ANXA2: variants seen among roughly 807,000 people sequenced by gnomAD.
The protein encoded by ANXA2 is annexin II.
Under a neutral mutation model 47.3 loss-of-function variants are expected in ANXA2, and 28 were observed. The ratio of observed to expected loss-of-function variants is 0.59; its 90% CI spans 0.44 to 0.81. The LOEUF (loss-of-function observed/expected upper bound fraction) is 0.81. ANXA2 is among the 40% of genes least tolerant of loss of function. ANXA2 has a pLI of 0.00. For synonymous variants in ANXA2, 172 were observed against 155.5 expected (o/e 1.11, Z -0.79); for missense variants, 384 against 414.3 (o/e 0.93, Z 0.64).
Position 60,374,424 on chromosome 15 carries a change from G to A in ANXA2, c.148+7918C>T. 2 of 455,492 alleles carry A rather than the reference G, an allele frequency of 4.4e-6. 1 individual carries two copies. The highest frequency in any genetic ancestry group is 3.1e-5 in the South Asian group (2 of 64,310). The allele number at this position is 455,492 out of a possible 1,614,324, so 28.2% of individuals were successfully genotyped here. Reference sequence around the variant, plus strand: ...TTAAAAAATGTGAACAGATGCGAGAGAAACCAACGCAGCCACCCTTAACTC... The same window carrying A: ...TTAAAAAATGTGAACAGATGCGAGAAAAACCAACGCAGCCACCCTTAACTC... On this transcript the variant is annotated intron_variant, in intron 3 of 12. Transcript: ENST00000451270.
At chr15:60,393,161 G>C in intron 1 of ANXA2, 2 of 1,258,126 alleles carry the variant, frequency 1.6e-6, no homozygotes, top group Non-Finnish European at 2.1e-6. Context: ...AACTGAGCAG[G>C]AGGGACACAC....
At chr15:60,359,357 G>A (rs1214275576) in intron 5 of ANXA2, among the ~76,000 whole-genome samples, 1 of 152,220 alleles carries the variant, frequency 6.6e-6, no homozygotes, top group Admixed American at 6.5e-5. Context: ...GATCTGAAGT[G>A]TTGATGGTCA....
intron 3 of ANXA2, among the ~76,000 whole-genome samples, chr15:60,370,338 G>C (rs990398676): frequency 1.3e-5 from 2 of 152,144 alleles, no homozygotes; most frequent in African/African-American, 4.8e-5. Flanking sequence ...CCATACCACT[G>C]TCTGCATGTT....
At chr15:60,373,904 CCA>C (rs2062742834) in intron 3 of ANXA2, among the ~76,000 whole-genome samples, 1 of 152,162 alleles carries the variant, frequency 6.6e-6, no homozygotes, top group Admixed American at 6.5e-5. Flanking sequence ...AACATTTTTG[CCA>C]TTGGCACACA....
chr15:60,393,083 T>A (rs2063035538), intron 1 of ANXA2: 1 of 1,287,716 alleles, frequency 7.8e-7, no homozygotes, highest in Admixed American at 2.3e-5. Context: ...TGGTCTTGAT[T>A]AATGACTGAG....
chr15:60,381,323 C>G (rs1237001366), intron 3 of ANXA2, among the ~76,000 whole-genome samples: 1 of 152,092 alleles, frequency 6.6e-6, no homozygotes, highest in Non-Finnish European at 1.5e-5. Flanking sequence ...TGCTGGGTCA[C>G]GTCTGCATCC....
intron 7 of ANXA2, among the ~76,000 whole-genome samples, chr15:60,354,993 A>G (rs2062405657): frequency 6.6e-6 from 1 of 152,124 alleles, no homozygotes; most frequent in Non-Finnish European, 1.5e-5. Flanking sequence ...TGAAACTTCA[A>G]GGGTCAGTCA....
intron 9 of ANXA2, 82 bp from the exon 10 acceptor site, chr15:60,351,901 A>T (rs1166012595): frequency 1.6e-5 from 16 of 974,364 alleles, no homozygotes; most frequent in Non-Finnish European, 2.6e-5. Context: ...TTTATGCACC[A>T]TAATTTTTTT....
intron 1 of ANXA2, chr15:60,393,138 G>A (rs2063036368): frequency 7.8e-7 from 1 of 1,281,636 alleles, no homozygotes; most frequent in Non-Finnish European, 1.0e-6. Context: ...ATTCGGCCCA[G>A]TGACCTCGAT....
chr15:60,359,679 T>A (rs146542500), intron 5 of ANXA2, among the ~76,000 whole-genome samples: 1 of 152,294 alleles, frequency 6.6e-6, no homozygotes, highest in East Asian at 1.9e-4. Context: ...CACTCTTGTG[T>A]TCTCTGGGAA....
chr15:60,360,924 A>G lies in ANXA2; in HGVS notation c.357+17T>C. 1 of 1,467,134 alleles carries G rather than the reference A, an allele frequency of 6.8e-7. No individual in the cohort carries two copies. The highest frequency in any genetic ancestry group is 9.6e-7 in the Non-Finnish European group (1 of 1,046,690). 90.9% of individuals were successfully genotyped at this position (1,467,134 alleles called of 1,614,324 possible). ...TAATAGCAGATTTGACAGAGATGACATCTCACATGCATTTACCTTCATGGA... is the reference window on the plus strand; with the variant it reads ...TAATAGCAGATTTGACAGAGATGACGTCTCACATGCATTTACCTTCATGGA... On this transcript the variant is annotated intron_variant, in intron 5 of 12. Coordinates refer to ENST00000451270, the MANE Select transcript of ANXA2 (RefSeq NM_004039.3).
intron 3 of ANXA2, among the ~76,000 whole-genome samples, chr15:60,371,653 C>T (rs1352501601): frequency 6.6e-6 from 1 of 152,138 alleles, no homozygotes. Flanking sequence ...ACTTGGAAAA[C>T]AAAGGAAAAC....
intron 1 of ANXA2, among the ~76,000 whole-genome samples, chr15:60,394,401 T>C (rs766944255): frequency 6.6e-6 from 1 of 152,066 alleles, no homozygotes; most frequent in Non-Finnish European, 1.5e-5. Context: ...TCAGCTGGAT[T>C]AAAAGCTTCA....
intron 11 of ANXA2, among the ~76,000 whole-genome samples, chr15:60,349,961 G>A (rs1182286950): frequency 3.6e-3 from 13 of 3,600 alleles, no homozygotes; most frequent in East Asian, 0.018. Context: ...GGGAGGCAGG[G>A]GAAGGCAGGG....
At chr15:60,380,521 G>A (rs1595698599) in intron 3 of ANXA2, among the ~76,000 whole-genome samples, 1 of 150,656 alleles carries the variant, frequency 6.6e-6, no homozygotes, top group Non-Finnish European at 1.5e-5. Context: ...AAAAAAGATT[G>A]GGCTGGGTGC....
intron 5 of ANXA2, among the ~76,000 whole-genome samples, chr15:60,360,714 A>C (rs536960748): frequency 6.6e-6 from 1 of 152,250 alleles, no homozygotes; most frequent in Admixed American, 6.5e-5. Context: ...GAGTAGTAGC[A>C]GCTGGTAACT....
chr15:60,386,054 G>C lies in ANXA2; in HGVS notation c.22C>G (p.Leu8Val). 6.2e-7 allele frequency: 1 copy of C among 1,612,898 alleles called. No individual in the cohort carries two copies. The highest frequency in any genetic ancestry group is 8.5e-7 in the Non-Finnish European group (1 of 1,179,506). The change falls in exon 2 of 13, where the codon CTG becomes GTG. Residue 8 changes from leucine (L) to valine (V), a missense_variant. Coordinates refer to ENST00000451270, the MANE Select transcript of ANXA2 (RefSeq NM_004039.3). ...TCACCCTCCAAGCTGAGCTTGCACA[G>C]GATTTCGTGAACAGTAGACATTTTG... The part of the protein sequence containing the change: MSTVHEI[L>V]CKLSLEGDHS...
chr15:60,354,693 T>C (rs1595665153), intron 7 of ANXA2, among the ~76,000 whole-genome samples: 1 of 143,212 alleles, frequency 7.0e-6, no homozygotes, highest in Non-Finnish European at 1.5e-5. Flanking sequence ...AGTGGTAAAA[T>C]CATTGAGCAA....
chr15:60,368,172 T>C lies in ANXA2; in HGVS notation c.149-3649A>G, dbSNP rs918944001. ...CTTAAGTACCCAGGGACACAAACAC[T>C]GCGGGAGGCCGCAGGGTCCTCTGCC... On this transcript the variant is annotated intron_variant, in intron 3 of 12. Transcript: ENST00000451270. Among the ~76,000 whole-genome samples the C allele has an allele frequency of 2.3e-3, 337 of 147,452 alleles. 2 individuals are homozygous for C. The highest frequency in any genetic ancestry group is 7.8e-3 in the African/African-American group (315 of 40,212).
Sources: gnomAD v4.1 joint callset for allele counts (sites outside exome capture counted in the v4.1 genomes callset) on GRCh38, gnomAD v4.1.1 for gene constraint, MANE v1.5 for transcripts, NCBI Gene and HGNC (gene_info 2026-07-23, HGNC 2026-07-21) for gene names.